PPL: variants seen among roughly 807,000 people sequenced by gnomAD.
The protein encoded by PPL is 190 kDa paraneoplastic pemphigus antigen.
Under a neutral mutation model 194.4 loss-of-function variants are expected in PPL, and 198 were observed. The ratio of observed to expected loss-of-function variants is 1.02; its 90% confidence interval spans 0.91 to 1.15. PPL has a LOEUF of 1.15. Ranked by LOEUF, PPL falls within the 50% of genes most tolerant of loss-of-function variation. PPL has a pLI of 0.00. For synonymous variants in PPL, 1,220 were observed against 972.4 expected, an observed-to-expected ratio of 1.25 and a Z score of -4.74; for missense variants, 2,885 against 2,294.8, an observed-to-expected ratio of 1.26 and a Z score of -5.25.
At position 4,884,288 on chromosome 16, in the gene PPL, GCCTGCTGCGGGT is replaced by G. The variant is rs774164420; in HGVS notation, c.4355_4366del (p.Asp1452_Gln1455del). 747 of 1,612,554 alleles carry G rather than the reference GCCTGCTGCGGGT, an allele frequency of 4.6e-4. 1 individual carries two copies. Among genetic ancestry groups the G allele is most frequent in the Non-Finnish European group, 6.0e-4 (713 of 1,179,644 alleles). ...GAGTCGGAGCAGGGCATGCTCTCGCGCCTGCTGCGGGTCCTGCTGCAGCACCACCTTCTGCGT... is the reference window on the plus strand; with the variant it reads ...GAGTCGGAGCAGGGCATGCTCTCGCGCCTGCTGCAGCACCACCTTCTGCGT... On this transcript the variant is annotated inframe_deletion, in exon 22 of 22. Coordinates refer to ENST00000345988, the MANE Select transcript of PPL (RefSeq NM_002705.5). The surrounding 1 kb of genome is among the most constrained non-coding windows in gnomAD (Gnocchi z 5.7).
chr16:4,921,918 C>A (rs929383401), intron 1 of PPL, among the ~76,000 whole-genome samples: 1 of 151,878 alleles, frequency 6.6e-6, no homozygotes, highest in African/African-American at 2.4e-5. Context: ...AGCAGGGATG[C>A]CCGTGAGAGG....
In PPL at chr16:4,889,028, C is replaced by T; in HGVS notation, c.2347G>A (p.Glu783Lys). 4 of 1,613,728 alleles carry T rather than the reference C, an allele frequency of 2.5e-6. No homozygotes were observed. The highest frequency in any genetic ancestry group is 1.1e-5 in the South Asian group (1 of 91,066). ...LLDEIASREQEVQKICANSQQ... is the reference protein window; with the variant it reads ...LLDEIASREQKVQKICANSQQ... ...GAATTGGCACAGATCTTCTGTACTT[C>T]CTGCTCCCTACTTGCTATCTCATCT... Residue 783 changes from glutamate to lysine, a missense_variant, in exon 19 of 22, where the codon GAA becomes AAA. Physicochemically the swap from Glu to Lys is moderately conservative, Grantham distance 56. Coordinates refer to ENST00000345988, the MANE Select transcript of PPL (RefSeq NM_002705.5).
At position 4,901,104 on chromosome 16, in the gene PPL, A is replaced by G. The variant is rs1181908948; in HGVS notation, c.439-15T>C. The G allele has an allele frequency of 6.2e-7, 1 of 1,613,716 alleles. No homozygotes were observed. On this transcript the variant is annotated splice_polypyrimidine_tract_variant and intron_variant, in intron 4 of 21. Transcript: ENST00000345988. ...TTCAGCTTGTCCTGGCCAGGAGGGC[A>G]GAGAAGCAATAAGGAGAGGGTGGGC... is the stretch of plus-strand genomic sequence containing the variant.
In PPL at chr16:4,934,661, G is replaced by C. The variant is rs141013603; in HGVS notation, c.62+2323C>G. The stretch of plus-strand genomic sequence containing the variant: ...CCCCAGACAATGGAGCGGGCCCCTG[G>C]AAAACTCAGAGTGAAGGAATAACTT... On this transcript the variant is annotated intron_variant, in intron 1 of 21. Transcript: ENST00000345988. Among the ~76,000 whole-genome samples, 262 of 152,178 alleles carry C rather than the reference G, an allele frequency of 1.7e-3. 1 individual carries two copies. The highest frequency in any genetic ancestry group is 6.1e-3 in the African/African-American group (253 of 41,506).
At chr16:4,921,737 G>T (rs916476214) in intron 1 of PPL, among the ~76,000 whole-genome samples, 2 of 152,126 alleles carry the variant, frequency 1.3e-5, no homozygotes, top group Non-Finnish European at 2.9e-5. Flanking sequence ...AAAATGCTGG[G>T]ATTACAGGTG....
chr16:4,892,543 C>T (rs1370156330), intron 14 of PPL, among the ~76,000 whole-genome samples: 1 of 152,196 alleles, frequency 6.6e-6, no homozygotes, highest in African/African-American at 2.4e-5. Context: ...ACGACTCCAC[C>T]CAGTCACGGG....
intron 6 of PPL, among the ~76,000 whole-genome samples, chr16:4,899,687 A>AT (rs2088516204): frequency 3.5e-5 from 4 of 112,984 alleles, no homozygotes; most frequent in Admixed American, 9.3e-5. Context: ...CAAAACCCTT[A>AT]CGGAACTGAC....
At chr16:4,909,104 T>G (rs999497875) in intron 2 of PPL, among the ~76,000 whole-genome samples, 1 of 151,840 alleles carries the variant, frequency 6.6e-6, no homozygotes, top group Non-Finnish European at 1.5e-5. Flanking sequence ...CAGGGGGGCA[T>G]GGAGGCGGGG....
intron 14 of PPL, 41 bp downstream of exon 14, chr16:4,893,172 G>A (rs1489265630): frequency 4.0e-6 from 6 of 1,487,616 alleles, no homozygotes; most frequent in Middle Eastern, 2.4e-4. Flanking sequence ...GGCCAGTGCA[G>A]GGCTCCCCCG....
Position 4,890,742 on chromosome 16 carries a change from C to G in PPL, c.2148G>C (p.Gln716His). The G allele has an allele frequency of 6.2e-7, 1 of 1,607,062 alleles. No individual in the cohort carries two copies. The highest frequency in any genetic ancestry group is 2.2e-5 in the East Asian group (1 of 44,776). ...CGCACCCTCACCTGCGTTCCACCTG[C>G]TGGCGCAGGTTGTTGAAACGCTGGC... Reference protein sequence around the residue: ...KLGQRFNNLRQQVERRAQSLQ... With the variant: ...KLGQRFNNLRHQVERRAQSLQ... Residue 716 changes from glutamine (Q) to histidine (H), a missense_variant, in exon 17 of 22, where the codon CAG becomes CAC. Coordinates refer to ENST00000345988, the MANE Select transcript of PPL (RefSeq NM_002705.5).
chr16:4,893,124 A>T, intron 14 of PPL, 89 bp downstream of exon 14: 2 of 1,392,272 alleles, frequency 1.4e-6, no homozygotes, highest in Non-Finnish European at 1.9e-6. Flanking sequence ...ATATCCCAAG[A>T]CTCCATGGGG....
chr16:4,922,657 A>C (rs545604429), intron 1 of PPL, among the ~76,000 whole-genome samples: 2 of 151,982 alleles, frequency 1.3e-5, no homozygotes, highest in East Asian at 3.9e-4. Flanking sequence ...GCAAGACTCC[A>C]TCTCAAAACA....
At position 4,890,713 on chromosome 16, in the gene PPL, C is replaced by T; in HGVS notation, c.2162+15G>A. ...CTCAGAAAACAAAAATGGCCACCAC[C>T]CACCGCACCCTCACCTGCGTTCCAC... is the stretch of plus-strand genomic sequence containing the variant. On this transcript the variant is annotated intron_variant, in intron 17 of 21. Transcript: ENST00000345988. 6.3e-7 allele frequency: 1 copy of T among 1,593,404 alleles called. No homozygotes were observed. The highest frequency in any genetic ancestry group is 8.5e-7 in the Non-Finnish European group (1 of 1,170,430).
intron 1 of PPL, among the ~76,000 whole-genome samples, chr16:4,918,063 C>T (rs565728771): frequency 1.5e-4 from 23 of 151,262 alleles, no homozygotes; most frequent in Admixed American, 2.0e-4. Context: ...GAGGCTGAGT[C>T]GGGCAGATCA....
At chr16:4,914,160 C>T (rs1329189766) in intron 1 of PPL, among the ~76,000 whole-genome samples, 2 of 152,158 alleles carry the variant, frequency 1.3e-5, no homozygotes, top group African/African-American at 4.8e-5. Context: ...GGTCCTGGCA[C>T]GTCCCGTGGG....
At position 4,884,224 on chromosome 16, in the gene PPL, C is replaced by G. The variant is rs762532417; in HGVS notation, c.4431G>C (p.Glu1477Asp). The G allele has an allele frequency of 6.2e-7, 1 of 1,613,836 alleles. No individual in the cohort carries two copies. Among genetic ancestry groups the G allele is most frequent in the South Asian group, 1.1e-5 (1 of 91,084 alleles). ...EEEQHRRQLL[E>D]GELETLRRKL... ...TCCTCCGGAGGGTCTCGAGCTCCCC[C>G]TCCAGGAGCTGCCGCCGGTGCTGCT... Residue 1477 changes from glutamate to aspartate, a missense_variant, in exon 22 of 22, where the codon GAG becomes GAC. Coordinates refer to ENST00000345988, the MANE Select transcript of PPL (RefSeq NM_002705.5). The surrounding 1 kb of genome is among the most constrained non-coding windows in gnomAD (Gnocchi z 5.7).
intron 1 of PPL, among the ~76,000 whole-genome samples, chr16:4,913,851 TCA>T (rs1380884069): frequency 6.6e-6 from 1 of 152,192 alleles, no homozygotes; most frequent in Admixed American, 6.5e-5. Flanking sequence ...TGCCTTCTAC[TCA>T]CACTCATTAA....
intron 1 of PPL, 71 bp downstream of exon 1, chr16:4,936,913 G>T (rs1180153611): frequency 4.1e-6 from 6 of 1,455,238 alleles, no homozygotes; most frequent in Non-Finnish European, 5.6e-6. Context: ...CACTGCCCGG[G>T]AGGTCTTCCA....
In PPL at chr16:4,899,422, G is replaced by T. The variant is rs1324606734; in HGVS notation, c.607-38C>A. On this transcript the variant is annotated intron_variant, in intron 6 of 21. Coordinates refer to ENST00000345988, the MANE Select transcript of PPL (RefSeq NM_002705.5). ...GGGCAAGGAAAGGGCTGCGTCCTCA[G>T]CCCGCTGCCACTGCTCGCTTCCTTC... 5 of 1,417,264 alleles carry T rather than the reference G, an allele frequency of 3.5e-6. No homozygotes were observed. In the Admixed American group the frequency reaches 6.3e-5, roughly 18 times the overall value. The allele number at this position is 1,417,264 out of a possible 1,614,324, so 87.8% of individuals were successfully genotyped here.
Sources: gnomAD v4.1 joint callset for allele counts (sites outside exome capture counted in the v4.1 genomes callset) on GRCh38, gnomAD v4.1.1 for gene constraint, Gnocchi (gnomAD v3.1) non-coding constraint, MANE v1.5 for transcripts, NCBI Gene and HGNC (gene_info 2026-07-23, HGNC 2026-07-21) for gene names.